The following NBEAL1 variants were observed in gnomAD, a reference collection of about 807,000 sequenced individuals.
NBEAL1 encodes the protein neurobeachin-like protein 1.
In NBEAL1, 273 loss-of-function variants were observed where a neutral mutation model predicts 351.3. The observed-to-expected ratio is 0.78, with a 90% CI of 0.70 to 0.86. The LOEUF (loss-of-function observed/expected upper bound fraction) is 0.86. Ranked by LOEUF, NBEAL1 falls within the 40% of genes least tolerant of loss-of-function variation. The pLI is 0.00. For missense variants in NBEAL1, 2,961 were observed against 3,201.3 expected, an observed-to-expected ratio of 0.92 and a Z score of 1.81; for synonymous variants, 1,050 against 1,086.4, an observed-to-expected ratio of 0.97 and a Z score of 0.66.
Position 203,192,575 on chromosome 2 carries a change from G to A in NBEAL1, c.6922-1220G>A, listed in dbSNP as rs545416910. Among the ~76,000 whole-genome samples the A allele has an allele frequency of 4.0e-3, 612 of 151,894 alleles. 8 individuals are homozygous for A. Among genetic ancestry groups the A allele is most frequent in the Admixed American group, 6.7e-3 (102 of 15,246 alleles). ...AATTTTTTGTATTTTTAGTAGAGAC[G>A]GGGTTTTGCCATGTTGGGCAGGCTG... On this transcript the variant is annotated intron_variant, in intron 46 of 55. Transcript: ENST00000683969.
intron 52 of NBEAL1, 78 bp from the exon 53 acceptor site, chr2:203,209,083 C>A: frequency 1.7e-6 from 2 of 1,149,584 alleles, no homozygotes; most frequent in South Asian, 1.6e-5. Context: ...ATTTCTTTAT[C>A]TGGCCCACTC....
chr2:203,100,702 A>G (rs1022576153), intron 12 of NBEAL1, among the ~76,000 whole-genome samples: 1 of 151,812 alleles, frequency 6.6e-6, no homozygotes, highest in African/African-American at 2.4e-5. Context: ...GTGCACCACC[A>G]CAGCCCGGCT....
intron 2 of NBEAL1, among the ~76,000 whole-genome samples, chr2:203,020,020 A>ATAAT (rs149905763): frequency 0.093 from 14,074 of 150,992 alleles, 757 homozygotes; most frequent in Non-Finnish European, 0.12. Context: ...ATTTTAATTG[A>ATAAT]TAAATAATTT....
chr2:203,074,092 A>C (rs1225328721), intron 7 of NBEAL1, among the ~76,000 whole-genome samples: 1 of 152,182 alleles, frequency 6.6e-6, no homozygotes, highest in African/African-American at 2.4e-5. Context: ...GAGTAGCTAA[A>C]AGAGAGGTCA....
At position 203,126,052 on chromosome 2, in the gene NBEAL1, C is replaced by A; in HGVS notation, c.2944C>A (p.His982Asn). The A allele has an allele frequency of 6.5e-7, 1 of 1,544,358 alleles. No individual in the cohort carries two copies. The highest frequency in any genetic ancestry group is 8.7e-7 in the Non-Finnish European group (1 of 1,144,016). The change falls in exon 21 of 56, where the codon CAC becomes AAC. Residue 982 changes from histidine to asparagine, a missense_variant. His to Asn is a moderately conservative substitution (Grantham distance 68). Transcript: ENST00000683969. ...RHPINQGNLI[H>N]SHGVATLGAL... ...TCCTATCAACCAGGGCAATCTTATT[C>A]ACTCCCATGGAGTTGCAACTCTTGG...
chr2:203,206,541 G>A (rs528407567), intron 51 of NBEAL1, among the ~76,000 whole-genome samples: 3 of 152,008 alleles, frequency 2.0e-5, no homozygotes, highest in Non-Finnish European at 2.9e-5. Context: ...TCAGCCTGCC[G>A]AGTGCCTGCA....
chr2:203,209,911 G>A (rs1310674688), intron 53 of NBEAL1, among the ~76,000 whole-genome samples: 1 of 152,074 alleles, frequency 6.6e-6, no homozygotes, highest in African/African-American at 2.4e-5. Context: ...ACCACACCTG[G>A]CTAGTTTTTT....
intron 18 of NBEAL1, among the ~76,000 whole-genome samples, chr2:203,121,936 C>T (rs1037932873): frequency 2.6e-5 from 4 of 151,950 alleles, no homozygotes; most frequent in Non-Finnish European, 5.9e-5. Context: ...CAGGTGCCCA[C>T]CACCACACCC....
At chr2:203,015,314 C>T (rs1413404533) in intron 1 of NBEAL1, among the ~76,000 whole-genome samples, 1 of 152,146 alleles carries the variant, frequency 6.6e-6, no homozygotes, top group East Asian at 1.9e-4. Context: ...CCGGTGTGTG[C>T]GTGCCCACTT....
At chr2:203,144,210 CAA>C (rs1203059538) in intron 31 of NBEAL1, among the ~76,000 whole-genome samples, 303 of 52,904 alleles carry the variant, frequency 5.7e-3, no homozygotes, top group African/African-American at 0.016. Flanking sequence ...GACTCCATCT[CAA>C]AAAAAAAAAA....
At chr2:203,050,921 A>G (rs1389884145) in intron 4 of NBEAL1, among the ~76,000 whole-genome samples, 1 of 152,218 alleles carries the variant, frequency 6.6e-6, no homozygotes, top group Non-Finnish European at 1.5e-5. Context: ...TTATTGGTTC[A>G]TATTCCTCTT....
intron 6 of NBEAL1, among the ~76,000 whole-genome samples, chr2:203,058,553 C>T (rs944538747): frequency 7.2e-5 from 11 of 152,202 alleles, no homozygotes; most frequent in Non-Finnish European, 1.5e-5. Context: ...CATTGCACAG[C>T]TGGTGCTGAT....
intron 12 of NBEAL1, among the ~76,000 whole-genome samples, chr2:203,105,105 C>G (rs903247704): frequency 6.6e-6 from 1 of 151,974 alleles, no homozygotes; most frequent in African/African-American, 2.4e-5. Context: ...GATCTACCCC[C>G]CTCAGCCTCC....
chr2:203,105,942 C>T (rs2062428014), intron 12 of NBEAL1, among the ~76,000 whole-genome samples: 1 of 152,098 alleles, frequency 6.6e-6, no homozygotes, highest in Admixed American at 6.6e-5. Context: ...TTTATTTAGT[C>T]AGTTTATGAC....
intron 2 of NBEAL1, among the ~76,000 whole-genome samples, chr2:203,034,304 T>C (rs1356721835): frequency 1.3e-5 from 2 of 151,628 alleles, no homozygotes; most frequent in East Asian, 3.9e-4. Flanking sequence ...ACTACAGGCG[T>C]GTGCCACCAT....
chr2:203,143,304 T>TG (rs2063428009), intron 31 of NBEAL1, among the ~76,000 whole-genome samples: 1 of 148,640 alleles, frequency 6.7e-6, no homozygotes, highest in African/African-American at 2.6e-5. Flanking sequence ...TCTGGGCTTG[T>TG]GCCCTGACTA....
At chr2:203,165,426 A>G (rs1316337092) in intron 36 of NBEAL1, among the ~76,000 whole-genome samples, 1 of 152,170 alleles carries the variant, frequency 6.6e-6, no homozygotes, top group Non-Finnish European at 1.5e-5. Context: ...ACTTCTAATT[A>G]TTATTTACAA....
rs1166551305 is a variant in NBEAL1, at chr2:203,160,362, T to C, written c.5714+2537T>C. ...TCCCAAAGTGCCTGGATTACAGGCGTGAGCCACCACGCCCGGCCTGGTTCT... is the reference window on the plus strand; with the variant it reads ...TCCCAAAGTGCCTGGATTACAGGCGCGAGCCACCACGCCCGGCCTGGTTCT... On this transcript the variant is annotated intron_variant, in intron 36 of 55. Coordinates refer to ENST00000683969, the MANE Select transcript of NBEAL1 (RefSeq NM_001378026.1). Among the ~76,000 whole-genome samples the C allele has an allele frequency of 2.0e-5, 3 of 152,324 alleles. No individual in the cohort carries two copies. The South Asian group carries it at 6.2e-4, about 32-fold the overall frequency.
intron 55 of NBEAL1, among the ~76,000 whole-genome samples, chr2:203,216,168 A>G (rs1024700384): frequency 2.6e-5 from 4 of 152,204 alleles, no homozygotes; most frequent in African/African-American, 9.6e-5. Context: ...TATTTGGTTA[A>G]TATTTATTAT....
Sources: gnomAD v4.1 joint callset for allele counts (sites outside exome capture counted in the v4.1 genomes callset) on GRCh38, gnomAD v4.1.1 for gene constraint, MANE v1.5 for transcripts, NCBI Gene and HGNC (gene_info 2026-07-23, HGNC 2026-07-21) for gene names.